The following DIAPH2 variants were observed in gnomAD, a reference collection of about 807,000 sequenced individuals.
DIAPH2 encodes diaphanous related formin 2.
Under a neutral mutation model 92.7 loss-of-function variants are expected in DIAPH2, and 35 were observed. The observed-to-expected ratio is 0.38, with a 90% confidence interval of 0.29 to 0.50. The LOEUF is 0.50. Ranked by LOEUF, DIAPH2 falls within the 20% of genes least tolerant of loss-of-function variation. DIAPH2 has a pLI of 0.94. For synonymous variants in DIAPH2, 301 were observed against 280.4 expected (o/e 1.07, Z -0.73); for missense variants, 701 against 819.5 (o/e 0.86, Z 1.77).
chrX:96,813,291 C>T (rs1243909869), intron 4 of DIAPH2, among the ~76,000 whole-genome samples: 2 of 109,513 alleles, frequency 1.8e-5, no homozygotes, highest in Non-Finnish European at 3.8e-5. Flanking sequence ...TTCTTTGTCT[C>T]TTTTGATCTT....
chrX:97,395,314 C>T (rs1487820874), intron 25 of DIAPH2, among the ~76,000 whole-genome samples: 1 of 111,559 alleles, frequency 9.0e-6, no homozygotes, highest in African/African-American at 3.3e-5. Context: ...TCTCCTCGCA[C>T]TCTCCCAACC....
intron 26 of DIAPH2, chrX:97,533,544 G>A (rs2071075330): frequency 1.8e-5 from 2 of 110,903 alleles, no homozygotes; most frequent in South Asian, 3.8e-4. Context: ...GATAAGCAAA[G>A]TATGTCCTTA....
intron 23 of DIAPH2, among the ~76,000 whole-genome samples, chrX:97,347,518 C>A (rs190191319): frequency 9.0e-6 from 1 of 110,559 alleles, no homozygotes; most frequent in Admixed American, 9.7e-5. Context: ...TATATGAGGC[C>A]GTTTTCTGGT....
chrX:96,839,394 A>T (rs1413213894), intron 4 of DIAPH2, among the ~76,000 whole-genome samples: 2 of 111,194 alleles, frequency 1.8e-5, no homozygotes, highest in Non-Finnish European at 3.8e-5. Context: ...CTTGCCTCCT[A>T]TGACTAAAAT....
chrX:96,899,529 G>C (rs1464076390), intron 5 of DIAPH2, among the ~76,000 whole-genome samples: 1 of 111,016 alleles, frequency 9.0e-6, no homozygotes, highest in East Asian at 2.8e-4. Flanking sequence ...CTCTCTGTTC[G>C]TCTGTTTTTG....
chrX:97,253,874 T>C (rs2068212438), intron 23 of DIAPH2, among the ~76,000 whole-genome samples: 1 of 112,204 alleles, frequency 8.9e-6, no homozygotes, highest in Non-Finnish European at 1.9e-5. Flanking sequence ...ACTATTGCAA[T>C]AGGAGAGAGA....
intron 20 of DIAPH2, among the ~76,000 whole-genome samples, chrX:97,101,504 C>A (rs1373343549): frequency 4.5e-5 from 5 of 110,684 alleles, no homozygotes; most frequent in Non-Finnish European, 9.4e-5. Flanking sequence ...CCATTCTTAG[C>A]TACATGTCTG....
At chrX:97,500,726 A>G (rs1392984339) in intron 26 of DIAPH2, among the ~76,000 whole-genome samples, 2 of 100,678 alleles carry the variant, frequency 2.0e-5, no homozygotes, top group Non-Finnish European at 4.0e-5. Context: ...AACAATGTCT[A>G]GAAGTACACT....
At chrX:97,327,265 A>G (rs914022471) in intron 23 of DIAPH2, among the ~76,000 whole-genome samples, 2 of 99,684 alleles carry the variant, frequency 2.0e-5, no homozygotes, top group African/African-American at 7.5e-5. Flanking sequence ...CGCCCGGCTA[A>G]TTTTTGTATT....
chrX:96,789,301 ACT>A (rs1466538922), intron 4 of DIAPH2, among the ~76,000 whole-genome samples: 1 of 111,787 alleles, frequency 8.9e-6, no homozygotes, highest in Non-Finnish European at 1.9e-5. Flanking sequence ...ATGTAGACAC[ACT>A]CTGTTTAGCA....
intron 22 of DIAPH2, among the ~76,000 whole-genome samples, chrX:97,216,936 G>A (rs763730399): frequency 8.9e-6 from 1 of 111,884 alleles, no homozygotes; most frequent in Non-Finnish European, 1.9e-5. Flanking sequence ...AATGTGGAGA[G>A]ATGTAGGACA....
intron 22 of DIAPH2, among the ~76,000 whole-genome samples, chrX:97,214,657 C>T (rs746773506): frequency 9.3e-6 from 1 of 107,986 alleles, no homozygotes; most frequent in Non-Finnish European, 1.9e-5. Flanking sequence ...CATGGAGAAA[C>T]CCTGTCTCTA....
At chrX:96,973,414 C>T (rs747789283) in intron 17 of DIAPH2, among the ~76,000 whole-genome samples, 6 of 111,139 alleles carry the variant, frequency 5.4e-5, no homozygotes, top group East Asian at 5.7e-4. Flanking sequence ...GGGAGGGTCA[C>T]GTGAACCTGG....
Position 96,883,650 on chromosome X carries a change from G to A in DIAPH2, c.587+1932G>A, listed in dbSNP as rs745613989. ...CTGCCTCAGCCTCCCAAAGTTCTGG[G>A]ATTACAGGCGTGAGCCACTGCGCCC... On this transcript the variant is annotated intron_variant, in intron 5 of 26. Coordinates refer to ENST00000324765, the MANE Select transcript of DIAPH2 (RefSeq NM_006729.5). Among the ~76,000 whole-genome samples the A allele has an allele frequency of 9.0e-5, 10 of 111,013 alleles. No individual in the cohort carries two copies. The East Asian group carries it at 2.3e-3, about 25-fold the overall frequency.
At chrX:96,967,238 T>C (rs2065898525) in intron 17 of DIAPH2, among the ~76,000 whole-genome samples, 1 of 111,082 alleles carries the variant, frequency 9.0e-6, no homozygotes, top group African/African-American at 3.3e-5. Flanking sequence ...TTCCCATCTT[T>C]GTGTCCAAGA....
chrX:97,582,470 C>A (rs1240455354), intron 26 of DIAPH2, among the ~76,000 whole-genome samples: 2 of 109,606 alleles, frequency 1.8e-5, no homozygotes, highest in African/African-American at 3.3e-5. Context: ...GTTGAAAATT[C>A]TTTTCTTTCT....
chrX:97,247,770 T>C lies in DIAPH2; in HGVS notation c.2775T>C (p.His925=). Residue 925 remains histidine (H), a synonymous_variant, in exon 23 of 27, where the codon CAT becomes CAC. Coordinates refer to ENST00000324765, the MANE Select transcript of DIAPH2 (RefSeq NM_006729.5). ...NLASMEQQIV[H]LERDIKKFPQ... is the part of the protein sequence containing the mutation. ...CATCAATGGAACAACAAATTGTTCA[T>C]CTGGAACGTGACATCAAGAAATTCC... 1 of 1,206,623 alleles carries C rather than the reference T, an allele frequency of 8.3e-7. No individual in the cohort carries two copies. The highest frequency in any genetic ancestry group is 1.1e-6 in the Non-Finnish European group (1 of 891,314).
chrX:96,769,457 C>T (rs2064324153), intron 4 of DIAPH2, among the ~76,000 whole-genome samples: 1 of 111,980 alleles, frequency 8.9e-6, no homozygotes, highest in Non-Finnish European at 1.9e-5. Context: ...TTTAAATGTA[C>T]TCTCTGTATA....
At chrX:97,018,490 C>T (rs2066275170) in intron 17 of DIAPH2, among the ~76,000 whole-genome samples, 1 of 112,037 alleles carries the variant, frequency 8.9e-6, no homozygotes, top group African/African-American at 3.2e-5. Context: ...TATACTTTTG[C>T]TTTTAAATCC....
Sources: allele counts gnomAD v4.1 joint callset (sites outside exome capture counted in the v4.1 genomes callset), GRCh38; gene constraint gnomAD v4.1.1; transcripts MANE v1.5; gene names NCBI Gene and HGNC (gene_info 2026-07-23, HGNC 2026-07-21).